The following UCP3 variants were observed in gnomAD, a reference collection of about 807,000 sequenced individuals.
UCP3 encodes the protein putative mitochondrial transporter UCP3.
Under a neutral mutation model 28.1 loss-of-function variants are expected in UCP3, and 24 were observed. The observed-to-expected ratio is 0.85, with a 90% CI of 0.62 to 1.20. The LOEUF (loss-of-function observed/expected upper bound fraction) is 1.20, where lower values mean the gene tolerates loss of function less well. Among genes scored for constraint, UCP3 ranks in the 50% most tolerant of loss-of-function variants. UCP3 has a pLI of 0.00. For missense variants in UCP3, 397 were observed against 422.2 expected (o/e 0.94, Z 0.52); for synonymous variants, 184 against 171.2 (o/e 1.07, Z -0.59).
rs769574829 is a variant in UCP3 at position 74,003,864 on chromosome 11, T to C, written c.787A>G (p.Met263Val). ...YFSPLDCMIK[M>V]VAQEGPTAFY... is the part of the protein sequence containing the mutation. ...GCTGTGGGGCCCTCCTGGGCCACCA[T>C]CTTTATCATACAGTCGAGGGGGCTG... The change falls in exon 6 of 7, where the codon ATG (methionine) becomes GTG (valine). Residue 263 changes from methionine (M) to valine (V), a missense_variant. Transcript: ENST00000314032. 3 of 1,613,298 alleles carry C rather than the reference T, an allele frequency of 1.9e-6. No individual in the cohort carries two copies. The highest frequency in any genetic ancestry group is 2.2e-5 in the East Asian group (1 of 44,882).
chr11:74,006,882 A>G, intron 2 of UCP3, 35 bp downstream of exon 2: 1 of 1,614,040 alleles, frequency 6.2e-7, no homozygotes, highest in Admixed American at 1.7e-5. Flanking sequence ...CCCTCCTTCC[A>G]TGTGATCAAT....
chr11:74,003,505 G>A, intron 6 of UCP3: 2 of 1,051,492 alleles, frequency 1.9e-6, no homozygotes, highest in Non-Finnish European at 2.3e-6. Flanking sequence ...AGTGAGGAAG[G>A]CACTGGCCAT....
chr11:74,001,755 A>G, intron 6 of UCP3: 1 of 524,406 alleles, frequency 1.9e-6, no homozygotes, highest in South Asian at 2.1e-5. Context: ...GAGACGGGTT[A>G]CTGTGTTAGG....
intron 6 of UCP3, 145 bp from the exon 7 acceptor site, chr11:74,001,671 C>T: frequency 1.4e-6 from 1 of 714,206 alleles, no homozygotes; most frequent in East Asian, 2.7e-5. Flanking sequence ...CAGTCTCTCT[C>T]TCTCTTTTTT....
At chr11:74,004,700 G>T in intron 4 of UCP3, 115 bp from the exon 5 acceptor site, 1 of 927,884 alleles carries the variant, frequency 1.1e-6, no homozygotes, top group African/African-American at 1.6e-5. Context: ...GGGCCATAGT[G>T]CCCCATTCCA....
chr11:74,006,048 A>C (rs553186689), intron 3 of UCP3, 115 bp from the exon 4 acceptor site: 3 of 1,558,754 alleles, frequency 1.9e-6, no homozygotes, highest in Non-Finnish European at 2.6e-6. Flanking sequence ...GAGCCTCCTC[A>C]TAAGCGTCCG....
Position 74,006,970 on chromosome 11 carries a change from A to G in UCP3, c.73T>C (p.Cys25Arg), listed in dbSNP as rs746657933. 3.7e-6 allele frequency: 6 copies of G among 1,614,196 alleles called. No individual in the cohort carries two copies. Among genetic ancestry groups the G allele is most frequent in the South Asian group, 1.1e-5 (1 of 91,092 alleles). Residue 25 changes from cysteine (C) to arginine (R), a missense_variant, in exon 2 of 7, where the codon TGT (cysteine) becomes CGT (arginine). Coordinates refer to ENST00000314032, the MANE Select transcript of UCP3 (RefSeq NM_003356.4). ...GGAAAGGTAACGAGGTCAGCAAAAC[A>G]GGCTGCTGTGCCTGCCCCCAGGAAC... is the stretch of plus-strand genomic sequence containing the variant. The part of the protein sequence containing the change: ...VKFLGAGTAA[C>R]FADLVTFPLD...
chr11:74,006,895 C>A (rs1269491549), intron 2 of UCP3, 22 bp downstream of exon 2: 2 of 1,613,994 alleles, frequency 1.2e-6, no homozygotes, highest in African/African-American at 2.7e-5. Flanking sequence ...TGATCAATGA[C>A]CCTTGGCCAA....
chr11:74,000,363 G>A lies in UCP3; in HGVS notation c.*1049C>T, dbSNP rs921068239. On this transcript the variant is annotated 3_prime_UTR_variant, in exon 7 of 7. Transcript: ENST00000314032. ...GAGAATTCCGAGTCCTGCTACTTTA[G>A]GTTCTTGCCCAGGAATCCACCTCTT... 3 of 151,374 alleles carry A rather than the reference G, an allele frequency of 2.0e-5. No homozygotes were observed. The highest frequency in any genetic ancestry group is 7.3e-5 in the African/African-American group (3 of 41,092). The allele number at this position is 151,374 out of a possible 1,614,324, so 9.4% of individuals were successfully genotyped here.
intron 3 of UCP3, 22 bp from the exon 4 acceptor site, chr11:74,005,955 G>C (rs753515876): frequency 7.4e-6 from 12 of 1,613,214 alleles, no homozygotes; most frequent in Non-Finnish European, 8.5e-7. Flanking sequence ...AGAGAGAGTG[G>C]GCCAGTGTCC....
rs1229343405 is a variant in UCP3, at chr11:74,000,751, G to A, written c.*661C>T. 1 of 152,348 alleles carries A rather than the reference G, an allele frequency of 6.6e-6. No homozygotes were observed. The highest frequency in any genetic ancestry group is 2.4e-5 in the African/African-American group (1 of 41,468). The allele number at this position is 152,348 out of a possible 1,614,324, so 9.4% of individuals were successfully genotyped here. On this transcript the variant is annotated 3_prime_UTR_variant, in exon 7 of 7. Coordinates refer to ENST00000314032, the MANE Select transcript of UCP3 (RefSeq NM_003356.4). ...GGCTCCCTCCATTTTGTAGGAAAGT[G>A]GGGGCTGCCCTCTTGATTCTTCAGT...
chr11:74,004,627 A>T, intron 4 of UCP3, 42 bp from the exon 5 acceptor site: 2 of 1,560,466 alleles, frequency 1.3e-6, no homozygotes, highest in Non-Finnish European at 1.8e-6. Context: ...ATGGGTGGGG[A>T]GGGAGGAATG....
intron 2 of UCP3, 51 bp downstream of exon 2, chr11:74,006,866 A>G (rs754295074): frequency 7.4e-6 from 12 of 1,613,562 alleles, no homozygotes; most frequent in Middle Eastern, 1.6e-4. Flanking sequence ...ATGGGAGAGA[A>G]CTAGCCCCTC....
intron 6 of UCP3, chr11:74,002,892 G>A (rs1326492192): frequency 2.6e-5 from 26 of 985,342 alleles, no homozygotes; most frequent in Non-Finnish European, 3.1e-5. Flanking sequence ...TCAGCAGTGG[G>A]AGGTGAAAGG....
At chr11:74,001,868 TAGTA>T (rs1455077947) in intron 6 of UCP3, 3 of 324,972 alleles carry the variant, frequency 9.2e-6, no homozygotes, top group African/African-American at 2.2e-5. Flanking sequence ...GACCCGCGGC[TAGTA>T]AGTGTCAGAG....
At chr11:74,006,859 G>C in intron 2 of UCP3, 58 bp downstream of exon 2, 1 of 1,613,266 alleles carries the variant, frequency 6.2e-7, no homozygotes, top group Non-Finnish European at 8.5e-7. Context: ...GGGGGATATG[G>C]GAGAGAACTA....
rs1225531180 is a variant in UCP3 at position 74,006,467 on chromosome 11, C to T, written c.127-88G>A. On this transcript the variant is annotated intron_variant, in intron 2 of 6. Transcript: ENST00000314032. ...GGAACCCTGCTGGGGCTGGGCCTGCCTGGGCTGGGCCTGAGAACAACCATG... is the reference window on the plus strand; with the variant it reads ...GGAACCCTGCTGGGGCTGGGCCTGCTTGGGCTGGGCCTGAGAACAACCATG... 3.7e-6 allele frequency: 5 copies of T among 1,338,746 alleles called. No homozygotes were observed. The Admixed American group carries it at 8.3e-5, about 22-fold the overall frequency. The allele number at this position is 1,338,746 out of a possible 1,614,324, so 82.9% of individuals were successfully genotyped here. A position where few individuals can be genotyped will look rare whatever the true frequency, so the allele number is the denominator to read the frequency against.
At chr11:74,002,834 T>C in intron 6 of UCP3, 1 of 985,448 alleles carries the variant, frequency 1.0e-6, no homozygotes, top group African/African-American at 1.7e-5. Flanking sequence ...TGTTCACTTG[T>C]TGGGTCCATT....
chr11:74,003,606 T>C, intron 6 of UCP3: 2 of 1,331,576 alleles, frequency 1.5e-6, no homozygotes, highest in South Asian at 1.9e-5. Flanking sequence ...CTTTTACCTA[T>C]TCCTGGAGTG....
Sources: allele counts gnomAD v4.1 joint callset, GRCh38; gene constraint gnomAD v4.1.1; transcripts MANE v1.5; gene names NCBI Gene and HGNC (gene_info 2026-07-23, HGNC 2026-07-21).